EMSY: variants seen among roughly 807,000 people sequenced by gnomAD.
The protein encoded by EMSY is BRCA2-interacting transcriptional repressor EMSY.
A neutral mutation model predicts 134.6 loss-of-function variants in EMSY; 26 were observed. That is an observed-to-expected ratio of 0.19 (90% CI 0.14 to 0.27). EMSY has a LOEUF of 0.27. Among genes scored for constraint, EMSY ranks in the 10% least tolerant of loss-of-function variants. The probability of loss-of-function intolerance (pLI) is 1.00; values close to 1 mark genes in which losing one functional copy is unlikely to be tolerated. For missense variants in EMSY, 1,305 were observed against 1,611.4 expected (o/e 0.81, Z 3.26); for synonymous variants, 579 against 577.8 (o/e 1.00, Z -0.03).
chr11:76,463,941 T>A (rs758873188), exon 7 of EMSY: 4 of 1,614,188 alleles, frequency 2.5e-6, no homozygotes, highest in Non-Finnish European at 3.4e-6. Context: ...TCAAAGACGA[T>A]CACTGTGCCT....
At chr11:76,475,272 T>C (rs1011727595) in intron 8 of EMSY, among the ~76,000 whole-genome samples, 1 of 152,202 alleles carries the variant, frequency 6.6e-6, no homozygotes, top group African/African-American at 2.4e-5. Flanking sequence ...AGTTTGCTGG[T>C]TTTACTGTAT....
chr11:76,478,447 G>A (rs1196459335), intron 8 of EMSY, among the ~76,000 whole-genome samples: 3 of 150,272 alleles, frequency 2.0e-5, no homozygotes, highest in African/African-American at 7.4e-5. Context: ...AGGTTCAAGC[G>A]ATTCTCCTGC....
exon 21 of EMSY, chr11:76,550,368 A>AG: frequency 2.8e-6 from 1 of 362,862 alleles, no homozygotes; most frequent in East Asian, 4.2e-5. Context: ...AAGAAAAAAA[A>AG]AGCTGCACAT....
At chr11:76,551,297 A>T (rs1246740700) in exon 21 of EMSY, 3 of 152,808 alleles carry the variant, frequency 2.0e-5, no homozygotes, top group African/African-American at 7.2e-5. Context: ...GGCAAAGGAA[A>T]CTATACTTTT....
Position 76,550,164 on chromosome 11 carries a change from G to A in EMSY, c.*18G>A, listed in dbSNP as rs375302457. 5.7e-6 allele frequency: 9 copies of A among 1,568,112 alleles called. No individual in the cohort carries two copies. In the African/African-American group the frequency reaches 9.6e-5, roughly 17 times the overall value. ...GGTCCTAGTGTTTGGACACAATAGT[G>A]CACTTTAAAACCTGCTTGGTTACCA... On this transcript the variant is annotated 3_prime_UTR_variant, in exon 21 of 21. Transcript: ENST00000334736.
exon 8 of EMSY, chr11:76,472,570 A>G (rs1414001447): frequency 1.9e-6 from 3 of 1,613,568 alleles, no homozygotes; most frequent in Middle Eastern, 1.7e-4. Context: ...TTAGGTTATT[A>G]TAGTCACCAC....
At chr11:76,526,736 A>G in intron 13 of EMSY, 101 bp downstream of exon 14, 2 of 1,156,124 alleles carry the variant, frequency 1.7e-6, no homozygotes, top group Middle Eastern at 2.1e-4. Flanking sequence ...AATCTTTAAG[A>G]AATCAGATTG....
chr11:76,471,981 T>A (rs1419347264), intron 7 of EMSY, among the ~76,000 whole-genome samples: 1 of 152,236 alleles, frequency 6.6e-6, no homozygotes, highest in Non-Finnish European at 1.5e-5. Context: ...ATATGTCACC[T>A]TACTGAGAGG....
intron 10 of EMSY, among the ~76,000 whole-genome samples, chr11:76,514,937 G>A (rs958984829): frequency 2.6e-5 from 4 of 152,004 alleles, no homozygotes; most frequent in Admixed American, 6.6e-5. Context: ...ATAATATTTT[G>A]TCTATTTATG....
At chr11:76,494,716 TTCCTTCCTTCCTTCCTTC>T (rs1949576498) in intron 8 of EMSY, among the ~76,000 whole-genome samples, 4 of 81,326 alleles carry the variant, frequency 4.9e-5, no homozygotes, top group Admixed American at 1.4e-4. Flanking sequence ...CCTTCCTTCC[TTCCTTCCTTCCTTCCTTC>T]CTTTCCTTCC....
intron 11 of EMSY, chr11:76,516,704 T>C (rs1950462519): frequency 6.5e-6 from 1 of 154,912 alleles, no homozygotes; most frequent in Admixed American, 6.4e-5. Context: ...GAGATCAAAT[T>C]GACCTGTCCA....
chr11:76,508,880 G>T (rs1162322549), intron 9 of EMSY, among the ~76,000 whole-genome samples: 1 of 152,156 alleles, frequency 6.6e-6, no homozygotes, highest in Non-Finnish European at 1.5e-5. Flanking sequence ...TCATAGAAAT[G>T]AAGTTTATTA....
intron 11 of EMSY, among the ~76,000 whole-genome samples, chr11:76,520,708 C>T (rs1590961559): frequency 6.6e-6 from 1 of 152,042 alleles, no homozygotes; most frequent in African/African-American, 2.4e-5. Flanking sequence ...TTTTTTGTAG[C>T]AGTGTTGCCA....
intron 17 of EMSY, among the ~76,000 whole-genome samples, chr11:76,541,484 G>T (rs74237465): frequency 0.01 from 1,584 of 152,224 alleles, 27 homozygotes; most frequent in East Asian, 0.058. Flanking sequence ...TCCTCTTCTA[G>T]GTAGAAACAG....
At chr11:76,544,908 A>T in intron 19 of EMSY, 86 bp downstream of exon 20, 1 of 1,400,434 alleles carries the variant, frequency 7.1e-7, no homozygotes, top group Non-Finnish European at 9.7e-7. Flanking sequence ...TCATGATATC[A>T]GTGCTTTCTC....
Position 76,516,320 on chromosome 11 carries a change from T to C in EMSY, c.1684+8T>C. The C allele has an allele frequency of 1.9e-6, 3 of 1,594,696 alleles. No individual in the cohort carries two copies. The highest frequency in any genetic ancestry group is 2.6e-6 in the Non-Finnish European group (3 of 1,165,002). On this transcript the variant is annotated splice_region_variant and intron_variant, in intron 11 of 20. Transcript: ENST00000334736. ...GCAGTAATATAGTTTCTGGTAGGTA[T>C]ATCTGAAATATGTTAAAGGTATAGG...
intron 17 of EMSY, among the ~76,000 whole-genome samples, chr11:76,541,735 C>G (rs1464204184): frequency 6.6e-6 from 1 of 152,164 alleles, no homozygotes; most frequent in Non-Finnish European, 1.5e-5. Flanking sequence ...GGAGTGAATG[C>G]TACTAATGTT....
rs191265044 is a variant in EMSY, at chr11:76,545,724, T to G, written c.3274-73T>G. ...GCGCACGAATGTTTCTTTTGCCATATTGTCTGGGGTGTTTGATTAGATTTT... is the reference window on the plus strand; with the variant it reads ...GCGCACGAATGTTTCTTTTGCCATAGTGTCTGGGGTGTTTGATTAGATTTT... On this transcript the variant is annotated intron_variant, in intron 19 of 20. Coordinates refer to ENST00000334736, the Ensembl canonical transcript of EMSY. 6.0e-4 allele frequency: 880 copies of G among 1,475,962 alleles called. 1 individual carries two copies. The highest frequency in any genetic ancestry group is 4.7e-4 in the Non-Finnish European group (516 of 1,095,596). 91.4% of individuals were successfully genotyped at this position (1,475,962 alleles called of 1,614,324 possible).
chr11:76,479,928 T>G (rs1268184265), intron 8 of EMSY, among the ~76,000 whole-genome samples: 1 of 152,140 alleles, frequency 6.6e-6, no homozygotes, highest in Non-Finnish European at 1.5e-5. Context: ...CAAGCAAAGA[T>G]CTATCATGAT....
Sources: gnomAD v4.1 joint callset for allele counts (sites outside exome capture counted in the v4.1 genomes callset) on GRCh38, gnomAD v4.1.1 for gene constraint, MANE v1.5 for transcripts, NCBI Gene and HGNC (gene_info 2026-07-23, HGNC 2026-07-21) for gene names.